STXBP5L: variants seen among roughly 807,000 people sequenced by gnomAD.
STXBP5L encodes the protein syntaxin-binding protein 5-like.
STXBP5L carries 65 observed loss-of-function variants against 144.5 expected under a neutral mutation model. The observed-to-expected ratio is 0.45, with a 90% CI of 0.37 to 0.55. STXBP5L has a LOEUF of 0.55. Among genes scored for constraint, STXBP5L ranks in the 20% least tolerant of loss-of-function variants. The pLI is 0.00. For synonymous variants in STXBP5L, 505 were observed against 469.6 expected, an observed-to-expected ratio of 1.08 and a Z score of -0.97; for missense variants, 1,298 against 1,405.5, an observed-to-expected ratio of 0.92 and a Z score of 1.22.
At chr3:121,352,362 G>A (rs954003477) in intron 20 of STXBP5L, among the ~76,000 whole-genome samples, 5 of 152,018 alleles carry the variant, frequency 3.3e-5, no homozygotes, top group Non-Finnish European at 7.4e-5. Flanking sequence ...ATTTCATTGA[G>A]CAGTGGTTTG....
chr3:121,119,263 CT>C (rs1489114533), intron 6 of STXBP5L, among the ~76,000 whole-genome samples: 6 of 151,448 alleles, frequency 4.0e-5, no homozygotes, highest in Admixed American at 6.6e-5. Context: ...TGAGTAGTAA[CT>C]TTCCTTATGT....
intron 9 of STXBP5L, among the ~76,000 whole-genome samples, chr3:121,188,511 AG>A (rs2047495538): frequency 6.7e-6 from 1 of 150,176 alleles, no homozygotes; most frequent in African/African-American, 2.5e-5. Context: ...AAAAAAAAAA[AG>A]ACTTTTAGAC....
intron 10 of STXBP5L, among the ~76,000 whole-genome samples, chr3:121,210,985 G>C (rs923862694): frequency 6.6e-6 from 1 of 152,182 alleles, no homozygotes; most frequent in Non-Finnish European, 1.5e-5. Context: ...TTGGTAGCTT[G>C]ATGGGGATGG....
intron 3 of STXBP5L, among the ~76,000 whole-genome samples, chr3:120,982,958 G>A (rs1941934577): frequency 6.6e-6 from 1 of 152,206 alleles, no homozygotes; most frequent in Non-Finnish European, 1.5e-5. Flanking sequence ...CCCCAGTCCT[G>A]CAGCAGAATG....
chr3:121,096,119 G>A (rs576271069), intron 5 of STXBP5L, among the ~76,000 whole-genome samples: 1 of 152,136 alleles, frequency 6.6e-6, no homozygotes, highest in Non-Finnish European at 1.5e-5. Flanking sequence ...GCCCCCCACT[G>A]TCTGACAATC....
chr3:121,328,163 T>C (rs1242322407), intron 20 of STXBP5L, among the ~76,000 whole-genome samples: 1 of 152,208 alleles, frequency 6.6e-6, no homozygotes, highest in African/African-American at 2.4e-5. Context: ...GTTGCCCAGA[T>C]AAATTATTTC....
intron 7 of STXBP5L, among the ~76,000 whole-genome samples, chr3:121,127,367 G>T (rs144667566): frequency 6.6e-6 from 1 of 151,940 alleles, no homozygotes; most frequent in African/African-American, 2.4e-5. Flanking sequence ...TTTTTTCCTA[G>T]TTCTAACAAC....
intron 22 of STXBP5L, 145 bp from the exon 23 acceptor site, chr3:121,407,098 A>T: frequency 1.0e-6 from 1 of 989,946 alleles, no homozygotes; most frequent in Non-Finnish European, 1.4e-6. Flanking sequence ...ATTATAACAG[A>T]TGAGCTCACA....
At chr3:120,923,927 T>C (rs1709481682) in intron 2 of STXBP5L, among the ~76,000 whole-genome samples, 1 of 144,262 alleles carries the variant, frequency 6.9e-6, no homozygotes, top group African/African-American at 2.8e-5. Flanking sequence ...CTGAGAGAGA[T>C]TTTTTTTTTA....
chr3:121,015,802 C>A (rs1245668284), intron 3 of STXBP5L, among the ~76,000 whole-genome samples: 1 of 152,216 alleles, frequency 6.6e-6, no homozygotes, highest in African/African-American at 2.4e-5. Flanking sequence ...ACTTTAGCCA[C>A]CTTGGCCTTC....
At chr3:121,286,309 C>G (rs2051231283) in intron 19 of STXBP5L, among the ~76,000 whole-genome samples, 1 of 151,896 alleles carries the variant, frequency 6.6e-6, no homozygotes, top group South Asian at 2.1e-4. Context: ...GTAAAACGAA[C>G]AGAAAGTCAG....
At chr3:120,991,454 C>T (rs1431278098) in intron 3 of STXBP5L, among the ~76,000 whole-genome samples, 1 of 151,982 alleles carries the variant, frequency 6.6e-6, no homozygotes, top group Admixed American at 6.6e-5. Context: ...CTAGAAATAC[C>T]ATTTGACCCA....
intron 20 of STXBP5L, among the ~76,000 whole-genome samples, chr3:121,363,448 C>A (rs2045772860): frequency 6.6e-6 from 1 of 152,130 alleles, no homozygotes; most frequent in African/African-American, 2.4e-5. Flanking sequence ...TTGGCAGTTC[C>A]CCTCTGGCTA....
chr3:120,965,892 C>T (rs1475360522), intron 3 of STXBP5L, among the ~76,000 whole-genome samples: 3 of 152,178 alleles, frequency 2.0e-5, no homozygotes, highest in Non-Finnish European at 2.9e-5. Context: ...GTGCCATTCT[C>T]CCCATCACTT....
chr3:121,381,056 C>G (rs2046311590), intron 21 of STXBP5L, among the ~76,000 whole-genome samples: 1 of 152,028 alleles, frequency 6.6e-6, no homozygotes, highest in Non-Finnish European at 1.5e-5. Flanking sequence ...TGAGCTGGAG[C>G]TCAGGAGCCT....
chr3:121,378,449 G>A (rs1239268231), intron 20 of STXBP5L, among the ~76,000 whole-genome samples: 1 of 151,928 alleles, frequency 6.6e-6, no homozygotes, highest in Non-Finnish European at 1.5e-5. Flanking sequence ...CAGAATACAT[G>A]GTAGAGATAT....
In STXBP5L at chr3:120,920,433, G is replaced by A. The variant is rs556007079; in HGVS notation, c.189+10666G>A. Among the ~76,000 whole-genome samples the A allele has an allele frequency of 2.0e-5, 3 of 151,556 alleles. No individual in the cohort carries two copies. In the East Asian group the frequency reaches 5.8e-4, roughly 29 times the overall value. ...GTAATTTAAAACATTTATATGGTTT[G>A]TAAATATCAAATCAGTATAATTGGG... On this transcript the variant is annotated intron_variant, in intron 2 of 26. Transcript: ENST00000471454.
intron 3 of STXBP5L, among the ~76,000 whole-genome samples, chr3:121,019,486 A>G (rs900015137): frequency 1.4e-4 from 21 of 152,144 alleles, no homozygotes; most frequent in African/African-American, 5.1e-4. Context: ...CACTTACCAA[A>G]AATACAACCA....
At chr3:120,992,123 C>G (rs1382448418) in intron 3 of STXBP5L, among the ~76,000 whole-genome samples, 3 of 151,988 alleles carry the variant, frequency 2.0e-5, no homozygotes, top group Admixed American at 6.6e-5. Context: ...CTATGTCAAT[C>G]TGCTTTTTTC....
Sources: gnomAD v4.1 joint callset for allele counts (sites outside exome capture counted in the v4.1 genomes callset) on GRCh38, gnomAD v4.1.1 for gene constraint, MANE v1.5 for transcripts, NCBI Gene and HGNC (gene_info 2026-07-23, HGNC 2026-07-21) for gene names.